Variants in MOSMO observed in about 807,000 individuals in gnomAD.
MOSMO encodes the protein modulator of smoothened.
Under a neutral mutation model 18.4 loss-of-function variants are expected in MOSMO, and 5 were observed. The ratio of observed to expected loss-of-function variants is 0.27; its 90% CI spans 0.14 to 0.57. The LOEUF (loss-of-function observed/expected upper bound fraction) is 0.57. Among genes scored for constraint, MOSMO ranks in the 20% least tolerant of loss-of-function variants. The pLI, the probability that MOSMO is intolerant of heterozygous loss-of-function variation, is 0.92. For synonymous variants in MOSMO, 82 were observed against 82.3 expected, an observed-to-expected ratio of 1.00 and a Z score of 0.02; for missense variants, 138 against 211.8, an observed-to-expected ratio of 0.65 and a Z score of 2.16.
chr16:22,061,953 T>C (rs146382091), intron 1 of MOSMO, among the ~76,000 whole-genome samples: 1 of 152,314 alleles, frequency 6.6e-6, no homozygotes, highest in African/African-American at 2.4e-5. Flanking sequence ...TCTTAAAGAT[T>C]AAATGGAAGA....
intron 1 of MOSMO, among the ~76,000 whole-genome samples, chr16:22,073,524 TATC>T (rs928129968): frequency 6.6e-6 from 1 of 151,962 alleles, no homozygotes; most frequent in African/African-American, 2.4e-5. Flanking sequence ...GAAAATGCCT[TATC>T]ATAAGACACT....
chr16:22,060,776 G>A (rs933836243), intron 1 of MOSMO, among the ~76,000 whole-genome samples: 1 of 152,034 alleles, frequency 6.6e-6, no homozygotes, highest in Non-Finnish European at 1.5e-5. Flanking sequence ...CAGAGGCTGA[G>A]GCAGGAAAAT....
At chr16:22,077,759 A>G (rs1900998630) in intron 2 of MOSMO, among the ~76,000 whole-genome samples, 1 of 151,936 alleles carries the variant, frequency 6.6e-6, no homozygotes, top group African/African-American at 2.4e-5. Flanking sequence ...TAATGAGTCT[A>G]ATGGCTCAAG....
At chr16:22,041,873 G>T (rs1401681391) in intron 1 of MOSMO, among the ~76,000 whole-genome samples, 1 of 151,916 alleles carries the variant, frequency 6.6e-6, no homozygotes, top group African/African-American at 2.4e-5. Context: ...GTAGAGACAA[G>T]GTCTCACTAT....
Position 22,083,944 on chromosome 16 carries a change from G to T in MOSMO, c.*3064G>T. On this transcript the variant is annotated 3_prime_UTR_variant, in exon 3 of 3. Coordinates refer to ENST00000542527, the MANE Select transcript of MOSMO (RefSeq NM_001164579.2). ...TCCACCTCTTATAAACCTATTTTCT[G>T]TTTCATTTGTTTTGTTTTTGAAGGA... 5.6e-5 allele frequency: 15 copies of T among 268,208 alleles called. No homozygotes were observed. Among genetic ancestry groups the T allele is most frequent in the East Asian group, 1.3e-4 (1 of 7,912 alleles). The allele number at this position is 268,208 out of a possible 1,614,324, so 16.6% of individuals were successfully genotyped here. A position where few individuals can be genotyped will look rare whatever the true frequency, so the allele number is the denominator to read the frequency against.
intron 1 of MOSMO, among the ~76,000 whole-genome samples, chr16:22,013,344 C>G (rs944404052): frequency 6.6e-6 from 1 of 152,072 alleles, no homozygotes; most frequent in Non-Finnish European, 1.5e-5. Flanking sequence ...TTATGCACAC[C>G]TTTTACTTAT....
intron 1 of MOSMO, chr16:22,075,271 G>A (rs1900940370): frequency 3.0e-6 from 2 of 657,416 alleles, no homozygotes; most frequent in African/African-American, 3.6e-5. Flanking sequence ...TGACTTTTCT[G>A]AGGTCATTTG....
At chr16:22,086,891 C>A (rs1901192602), downstream of MOSMO, 1 of 152,072 alleles carries the variant, frequency 6.6e-6, no homozygotes, top group Non-Finnish European at 1.5e-5. Flanking sequence ...AATTATGAAA[C>A]CATATTTCCT....
At chr16:22,011,040 G>A (rs1483497042) in intron 1 of MOSMO, among the ~76,000 whole-genome samples, 3 of 152,148 alleles carry the variant, frequency 2.0e-5, no homozygotes, top group Non-Finnish European at 2.9e-5. Context: ...GAGTTGCCAT[G>A]GAGATAGGAG....
rs1222247117 is a variant in MOSMO, at chr16:22,083,916, T to C, written c.*3036T>C. The C allele has an allele frequency of 6.6e-6, 2 of 303,568 alleles. No homozygotes were observed. Among genetic ancestry groups the C allele is most frequent in the South Asian group, 2.9e-5 (1 of 34,762 alleles). The allele number at this position is 303,568 out of a possible 1,614,324, so 18.8% of individuals were successfully genotyped here. On this transcript the variant is annotated 3_prime_UTR_variant, in exon 3 of 3. Transcript: ENST00000542527. ...AATGTGTGTATGTAATTTTTCTGAC[T>C]CTTCCACCTCTTATAAACCTATTTT...
chr16:22,084,895 T>C (rs917556327), downstream of MOSMO, among the ~76,000 whole-genome samples: 21 of 152,148 alleles, frequency 1.4e-4, no homozygotes, highest in Admixed American at 9.8e-4. Context: ...CACTCAGCAA[T>C]AAAAGACCAC....
At chr16:22,067,722 C>CA (rs1900774113) in intron 1 of MOSMO, among the ~76,000 whole-genome samples, 1 of 151,846 alleles carries the variant, frequency 6.6e-6, no homozygotes, top group Admixed American at 6.6e-5. Flanking sequence ...ACTAAAAATA[C>CA]AAAAAAATTA....
chr16:22,014,238 G>A (rs1899593880), intron 1 of MOSMO, among the ~76,000 whole-genome samples: 1 of 152,164 alleles, frequency 6.6e-6, no homozygotes, highest in African/African-American at 2.4e-5. Flanking sequence ...GACAAGGATT[G>A]AGTGAGGAGA....
intron 1 of MOSMO, among the ~76,000 whole-genome samples, chr16:22,063,857 A>T (rs1900699681): frequency 6.6e-6 from 1 of 152,186 alleles, no homozygotes; most frequent in African/African-American, 2.4e-5. Flanking sequence ...TAGAAGTCTG[A>T]ATGTTCCTGG....
At chr16:22,090,731 C>G (rs1397586435), downstream of MOSMO, among the ~76,000 whole-genome samples, 7 of 152,218 alleles carry the variant, frequency 4.6e-5, no homozygotes. Flanking sequence ...GGAGAAATGT[C>G]TGTTGTGCTC....
intron 1 of MOSMO, among the ~76,000 whole-genome samples, chr16:22,013,493 T>C (rs888113849): frequency 6.6e-6 from 1 of 152,114 alleles, no homozygotes; most frequent in Non-Finnish European, 1.5e-5. Context: ...TGAAGAGACT[T>C]TTTGTCAGGG....
chr16:22,027,904 G>C (rs904965643), intron 1 of MOSMO, among the ~76,000 whole-genome samples: 1 of 152,130 alleles, frequency 6.6e-6, no homozygotes, highest in African/African-American at 2.4e-5. Flanking sequence ...AAGCCACAAA[G>C]AGCAGTCTCC....
chr16:22,008,350 A>G lies in MOSMO; in HGVS notation c.49A>G (p.Ile17Val). The change falls in exon 1 of 3, where the codon ATC (isoleucine) becomes GTC (valine). Residue 17 changes from isoleucine to valine, a missense_variant. Coordinates refer to ENST00000542527, the MANE Select transcript of MOSMO (RefSeq NM_001164579.2). ...ISGCLFLAAD[I>V]FAIASIANPD... is the part of the protein sequence containing the mutation. The stretch of plus-strand genomic sequence containing the variant: ...AGGATGTCTCTTTCTGGCCGCCGAT[A>G]TCTTCGCCATCGCCAGCATCGCCAA... 6 of 1,533,572 alleles carry G rather than the reference A, an allele frequency of 3.9e-6. No homozygotes were observed. Among genetic ancestry groups the G allele is most frequent in the Non-Finnish European group, 5.2e-6 (6 of 1,145,934 alleles). The allele number at this position is 1,533,572 out of a possible 1,614,324, so 95.0% of individuals were successfully genotyped here. A position where few individuals can be genotyped will look rare whatever the true frequency, so the allele number is the denominator to read the frequency against.
At chr16:22,026,661 A>G (rs2141990946) in intron 1 of MOSMO, among the ~76,000 whole-genome samples, 1 of 152,352 alleles carries the variant, frequency 6.6e-6, no homozygotes, top group South Asian at 2.1e-4. Context: ...GGAAATGAGT[A>G]TTACTTTACA....
Sources: allele counts gnomAD v4.1 joint callset (sites outside exome capture counted in the v4.1 genomes callset), GRCh38; gene constraint gnomAD v4.1.1; transcripts MANE v1.5; gene names NCBI Gene and HGNC (gene_info 2026-07-23, HGNC 2026-07-21).